The following GPATCH2L variants were observed in gnomAD, a reference collection of about 807,000 sequenced individuals.
GPATCH2L encodes the protein G-patch domain containing 2 like, also known as G patch domain-containing protein 2-like.
In GPATCH2L, 31 loss-of-function variants were observed where a neutral mutation model predicts 57.4. The observed-to-expected ratio is 0.54, with a 90% confidence interval of 0.41 to 0.73. GPATCH2L has a LOEUF of 0.73. Among genes scored for constraint, GPATCH2L ranks in the 30% least tolerant of loss-of-function variants. The pLI is 0.00. For synonymous variants in GPATCH2L, 199 were observed against 210.7 expected, an observed-to-expected ratio of 0.94 and a Z score of 0.48; for missense variants, 481 against 599.9, an observed-to-expected ratio of 0.80 and a Z score of 2.07.
chr14:76,152,392 C>G, intron 1 of GPATCH2L: 1 of 259,962 alleles, frequency 3.8e-6, no homozygotes, highest in African/African-American at 2.2e-5. Flanking sequence ...CCAAGACTTG[C>G]ATTTTGGCAG....
In GPATCH2L at chr14:76,199,956, G is replaced by T. The variant is rs139072062; in HGVS notation, c.1289-1735G>T. 5.6e-3 allele frequency among the ~76,000 whole-genome samples: 854 copies of T among 152,234 alleles called. 5 individuals carry two copies. The highest frequency in any genetic ancestry group is 6.5e-3 in the Non-Finnish European group (445 of 68,010). ...GATGAATGGATGAACACAATTTGCCGTATATATACAATGGAATATTATGTA... is the reference window on the plus strand; with the variant it reads ...GATGAATGGATGAACACAATTTGCCTTATATATACAATGGAATATTATGTA... On this transcript the variant is annotated intron_variant, in intron 9 of 9. Transcript: ENST00000261530.
intron 3 of GPATCH2L, among the ~76,000 whole-genome samples, chr14:76,167,370 A>G (rs1034120640): frequency 1.3e-5 from 2 of 152,194 alleles, no homozygotes; most frequent in African/African-American, 4.8e-5. Context: ...TAAAAATTTT[A>G]TGTAGCCTTT....
intron 3 of GPATCH2L, among the ~76,000 whole-genome samples, chr14:76,169,600 C>T (rs183277612): frequency 6.6e-6 from 1 of 152,274 alleles, no homozygotes; most frequent in Admixed American, 6.5e-5. Flanking sequence ...GACTGCTGGT[C>T]TATGTGGTCT....
In GPATCH2L at chr14:76,158,881, G is replaced by A. The variant is rs186675150; in HGVS notation, c.662+3856G>A. Among the ~76,000 whole-genome samples the A allele has an allele frequency of 3.3e-5, 5 of 152,212 alleles. 1 individual carries two copies. The highest frequency in any genetic ancestry group is 3.3e-4 in the Admixed American group (5 of 15,298). On this transcript the variant is annotated intron_variant, in intron 2 of 9. Coordinates refer to ENST00000261530, the MANE Select transcript of GPATCH2L (RefSeq NM_017926.4). ...CGATATGATACTATTGTACTTGAAG[G>A]TCTATCTCTTGAAAGAAACATCCAT...
chr14:76,209,993 A>G lies in GPATCH2L; in HGVS notation c.*8142A>G, dbSNP rs1341540644. 1 of 152,244 alleles carries G rather than the reference A, an allele frequency of 6.6e-6. No homozygotes were observed. Among genetic ancestry groups the G allele is most frequent in the East Asian group, 1.9e-4 (1 of 5,186 alleles). 9.4% of individuals were successfully genotyped at this position (152,244 alleles called of 1,614,324 possible). A position where few individuals can be genotyped will look rare whatever the true frequency, so the allele number is the denominator to read the frequency against. ...AAAGGTCCACCAGAACCATTGCCCC[A>G]GTCACTGATTGAACAAACATTTACT... On this transcript the variant is annotated 3_prime_UTR_variant, in exon 10 of 10. Coordinates refer to ENST00000261530, the MANE Select transcript of GPATCH2L (RefSeq NM_017926.4).
intron 2 of GPATCH2L, chr14:76,230,243 A>G (rs943550802): frequency 1.3e-5 from 2 of 152,252 alleles, no homozygotes; most frequent in African/African-American, 4.8e-5. Context: ...TATGGCAAAG[A>G]CAGAAGTGAT....
rs557180614 is a variant in GPATCH2L, at chr14:76,211,151, C to T, written c.*9300C>T. 1.3e-5 allele frequency: 2 copies of T among 152,288 alleles called. No individual in the cohort carries two copies. The highest frequency in any genetic ancestry group is 1.3e-4 in the Admixed American group (2 of 15,290). 9.4% of individuals were successfully genotyped at this position (152,288 alleles called of 1,614,324 possible). On this transcript the variant is annotated 3_prime_UTR_variant, in exon 10 of 10. Coordinates refer to ENST00000261530, the MANE Select transcript of GPATCH2L (RefSeq NM_017926.4). ...GTAAAAGCATGGTTTATTCAGAGCA[C>T]TGCAAGTGTTTTAGTATGGCCCACA...
In GPATCH2L at chr14:76,201,906, G is replaced by A; in HGVS notation, c.*55G>A. The A allele has an allele frequency of 6.6e-7, 1 of 1,509,180 alleles. No individual in the cohort carries two copies. The highest frequency in any genetic ancestry group is 1.8e-4 in the Middle Eastern group (1 of 5,626). 93.5% of individuals were successfully genotyped at this position (1,509,180 alleles called of 1,614,324 possible). A position where few individuals can be genotyped will look rare whatever the true frequency, so the allele number is the denominator to read the frequency against. ...CTGGGTGTTGCTGAAGCAAATGTTG[G>A]ACTTTGTGTTAGATAGTCTTGCATA... On this transcript the variant is annotated 3_prime_UTR_variant, in exon 10 of 10. Transcript: ENST00000261530.
At chr14:76,184,180 C>T (rs2039684402) in intron 8 of GPATCH2L, among the ~76,000 whole-genome samples, 1 of 152,114 alleles carries the variant, frequency 6.6e-6, no homozygotes, top group South Asian at 2.1e-4. Flanking sequence ...GTATTGCCTC[C>T]TGGCTGTTCC....
intron 8 of GPATCH2L, among the ~76,000 whole-genome samples, chr14:76,181,083 C>CA (rs2139718612): frequency 6.6e-6 from 1 of 152,290 alleles, no homozygotes; most frequent in South Asian, 2.1e-4. Flanking sequence ...TCTTCTGGCT[C>CA]ATATTTCATT....
intron 3 of GPATCH2L, 86 bp from the exon 4 acceptor site, chr14:76,171,757 T>A: frequency 1.3e-6 from 1 of 761,128 alleles, no homozygotes; most frequent in African/African-American, 1.8e-5. Flanking sequence ...TGATCAAAAC[T>A]ATGGCACTAA....
In GPATCH2L at chr14:76,196,020, C is replaced by T. The variant is rs200478834; in HGVS notation, c.1288+48C>T. The T allele has an allele frequency of 3.0e-6, 4 of 1,336,692 alleles. No individual in the cohort carries two copies. In the African/African-American group the frequency reaches 4.6e-5, roughly 15 times the overall value. The allele number at this position is 1,336,692 out of a possible 1,614,324, so 82.8% of individuals were successfully genotyped here. On this transcript the variant is annotated intron_variant, in intron 9 of 9. Coordinates refer to ENST00000261530, the MANE Select transcript of GPATCH2L (RefSeq NM_017926.4). ...TATTGAGCATGTACCGTGTGCCAGG[C>T]ACTAAATTATGTGTTTTGTATACCT...
chr14:76,225,461 A>G (rs1276547625), intron 1 of GPATCH2L, among the ~76,000 whole-genome samples: 4 of 152,322 alleles, frequency 2.6e-5, no homozygotes, highest in Middle Eastern at 6.8e-3. Flanking sequence ...CCAAGTCCAT[A>G]TAGATTGCAT....
At chr14:76,152,135 T>C (rs2038070182) in intron 1 of GPATCH2L, 144 bp downstream of exon 1, 1 of 152,494 alleles carries the variant, frequency 6.6e-6, no homozygotes, top group Non-Finnish European at 1.5e-5. Flanking sequence ...GGGGCCTTGC[T>C]TTTCAGGGCC....
At position 76,206,548 on chromosome 14, in the gene GPATCH2L, C is replaced by T. The variant is rs2040378029; in HGVS notation, c.*4697C>T. On this transcript the variant is annotated 3_prime_UTR_variant, in exon 10 of 10. Coordinates refer to ENST00000261530, the MANE Select transcript of GPATCH2L (RefSeq NM_017926.4). Reference sequence around the variant, plus strand: ...TACAGTGTTGAAGAATGGGGCATGTCATGAAGACATTCAGCAAAGAAGCAA... The same window carrying T: ...TACAGTGTTGAAGAATGGGGCATGTTATGAAGACATTCAGCAAAGAAGCAA... The T allele has an allele frequency of 6.6e-6, 1 of 152,198 alleles. No homozygotes were observed. The highest frequency in any genetic ancestry group is 2.4e-5 in the African/African-American group (1 of 41,430). 9.4% of individuals were successfully genotyped at this position (152,198 alleles called of 1,614,324 possible).
chr14:76,232,011 A>ACTGCATCCTCACTGC, intron 2 of GPATCH2L, among the ~76,000 whole-genome samples: 1 of 150,556 alleles, frequency 6.6e-6, no homozygotes, highest in South Asian at 2.1e-4. Flanking sequence ...CTGCAGGCTC[A>ACTGCATCCTCACTGC]AGCAATCTTC....
At chr14:76,215,065 A>G (rs2040480780), downstream of GPATCH2L, among the ~76,000 whole-genome samples, 1 of 152,170 alleles carries the variant, frequency 6.6e-6, no homozygotes, top group Non-Finnish European at 1.5e-5. Context: ...AAAAAAACCA[A>G]AAATTATTTC....
chr14:76,172,949 T>C (rs1180767238), intron 4 of GPATCH2L, among the ~76,000 whole-genome samples: 1 of 152,178 alleles, frequency 6.6e-6, no homozygotes, highest in Non-Finnish European at 1.5e-5. Context: ...TCTAAAAGTT[T>C]CTAATGGACC....
At chr14:76,233,792 T>C (rs1249420842) in intron 2 of GPATCH2L, among the ~76,000 whole-genome samples, 1 of 152,108 alleles carries the variant, frequency 6.6e-6, no homozygotes, top group Non-Finnish European at 1.5e-5. Context: ...AATAATAGGG[T>C]TTTTTTACAT....
Sources: allele counts gnomAD v4.1 joint callset (sites outside exome capture counted in the v4.1 genomes callset), GRCh38; gene constraint gnomAD v4.1.1; transcripts MANE v1.5; gene names NCBI Gene and HGNC (gene_info 2026-07-23, HGNC 2026-07-21).